SGIP1: variants seen among roughly 807,000 people sequenced by gnomAD.
The protein encoded by SGIP1 is SH3-containing GRB2-like protein 3-interacting protein 1.
A neutral mutation model predicts 107.5 loss-of-function variants in SGIP1; 38 were observed. The observed-to-expected ratio is 0.35, with a 90% CI of 0.27 to 0.46. SGIP1 has a LOEUF of 0.46. SGIP1 is among the 20% of genes least tolerant of loss of function. The pLI is 1.00. For synonymous variants in SGIP1, 365 were observed against 366.1 expected (o/e 1.00, Z 0.03); for missense variants, 929 against 1,019.5 (o/e 0.91, Z 1.21).
intron 1 of SGIP1, among the ~76,000 whole-genome samples, chr1:66,616,874 G>C (rs1205411106): frequency 1.3e-5 from 2 of 152,036 alleles, no homozygotes; most frequent in Non-Finnish European, 2.9e-5. Context: ...CTCAATTTTA[G>C]TGTCTCAGCA....
chr1:66,666,034 G>A (rs1473014608), intron 8 of SGIP1: 1 of 152,204 alleles, frequency 6.6e-6, no homozygotes, highest in Non-Finnish European at 1.5e-5. Flanking sequence ...TTTTAGTCAT[G>A]AAGTCCTTGC....
intron 10 of SGIP1, 75 bp from the exon 11 acceptor site, chr1:66,671,869 T>C: frequency 7.0e-7 from 1 of 1,418,876 alleles, no homozygotes; most frequent in Non-Finnish European, 9.9e-7. Flanking sequence ...TCTAAGTGTT[T>C]CCAAACATAG....
intron 1 of SGIP1, among the ~76,000 whole-genome samples, chr1:66,555,854 GAGGTAAGTGCT>G (rs2058100391): frequency 6.6e-6 from 1 of 152,118 alleles, no homozygotes; most frequent in Non-Finnish European, 1.5e-5. Flanking sequence ...ACAACAGTAT[GAGGTAAGTGCT>G]AAATTATCCC....
rs1557989513 is a variant in SGIP1, at chr1:66,589,178, ATATATATATATATAT to A, written c.11-36668_11-36654del. 2.3e-3 allele frequency among the ~76,000 whole-genome samples: 56 copies of A among 24,830 alleles called. 2 individuals are homozygous for A. The highest frequency in any genetic ancestry group is 1.5e-3 in the Non-Finnish European group (22 of 14,986). The allele number at this position is 24,830 out of a possible 152,430, so 16.3% of individuals were successfully genotyped here. A position where few individuals can be genotyped will look rare whatever the true frequency, so the allele number is the denominator to read the frequency against. ...TAAAAGTTTACATATATATATATAT[ATATATATATATATAT>A]ATATATATATATATATATATATATG... is the stretch of plus-strand genomic sequence containing the variant. On this transcript the variant is annotated intron_variant, in intron 1 of 24. Transcript: ENST00000371037.
intron 18 of SGIP1, among the ~76,000 whole-genome samples, chr1:66,712,903 C>T (rs2093008686): frequency 6.6e-6 from 1 of 152,150 alleles, no homozygotes; most frequent in Non-Finnish European, 1.5e-5. Flanking sequence ...TCAGAACCCC[C>T]TCAAAGTGTG....
At chr1:66,533,874 G>A (rs1313084422), upstream of SGIP1, among the ~76,000 whole-genome samples, 2 of 152,040 alleles carry the variant, frequency 1.3e-5, no homozygotes, top group African/African-American at 4.8e-5. Context: ...CTAATCTCGG[G>A]CACCCAGCCG....
intron 18 of SGIP1, among the ~76,000 whole-genome samples, chr1:66,699,687 C>A (rs745440152): frequency 2.6e-5 from 4 of 152,154 alleles, no homozygotes; most frequent in Admixed American, 1.3e-4. Flanking sequence ...TGACTGCCTG[C>A]TGTGTACTAG....
intron 1 of SGIP1, among the ~76,000 whole-genome samples, chr1:66,572,835 A>G (rs2060559921): frequency 6.6e-6 from 1 of 152,146 alleles, no homozygotes; most frequent in South Asian, 2.1e-4. Flanking sequence ...GACAACTACA[A>G]TGCGATATAT....
At position 66,661,015 on chromosome 1, in the gene SGIP1, CCTGGAATTGTCAGAGT is replaced by C. The variant is rs2081361993; in HGVS notation, c.471+498_471+513del. Among the ~76,000 whole-genome samples, 11 of 151,940 alleles carry C rather than the reference CCTGGAATTGTCAGAGT, an allele frequency of 7.2e-5. No individual in the cohort carries two copies. In the South Asian group the frequency reaches 2.3e-3, roughly 32 times the overall value. On this transcript the variant is annotated intron_variant, in intron 8 of 24. Transcript: ENST00000371037. ...GTTTTAGTAAATCAAAATATTCCCTCCTGGAATTGTCAGAGTCTGGAAAAGAGAATCTTTATAAAAT... is the reference window on the plus strand; with the variant it reads ...GTTTTAGTAAATCAAAATATTCCCTCCTGGAAAAGAGAATCTTTATAAAAT...
intron 9 of SGIP1, among the ~76,000 whole-genome samples, chr1:66,670,386 G>T (rs919158872): frequency 6.6e-6 from 1 of 152,212 alleles, no homozygotes; most frequent in African/African-American, 2.4e-5. Flanking sequence ...TCCAATTCAT[G>T]AATTGATGGG....
rs902696070 is a variant in SGIP1 at position 66,625,875 on chromosome 1, T to C, written c.39T>C (p.Phe13=). The part of the protein sequence containing the change: ...EGLKKRTRKA[F]GIRKKEKDTD... ...TGAAAAAACGTACAAGGAAGGCCTT[T>C]GGAATACGGAAGAAAGAAAAGGACA... Residue 13 remains phenylalanine (F), a synonymous_variant, in exon 2 of 25, where the codon TTT becomes TTC. Coordinates refer to ENST00000371037, the MANE Select transcript of SGIP1 (RefSeq NM_032291.4). The C allele has an allele frequency of 3.1e-6, 5 of 1,612,550 alleles. No homozygotes were observed. Among genetic ancestry groups the C allele is most frequent in the Non-Finnish European group, 3.4e-6 (4 of 1,179,124 alleles).
chr1:66,718,443 G>A (rs966735611), intron 18 of SGIP1, among the ~76,000 whole-genome samples: 4 of 152,072 alleles, frequency 2.6e-5, no homozygotes, highest in Non-Finnish European at 4.4e-5. Context: ...GTTTTATAGG[G>A]AGATAAACCT....
intron 1 of SGIP1, among the ~76,000 whole-genome samples, chr1:66,606,351 C>A (rs557944272): frequency 6.6e-6 from 1 of 152,146 alleles, no homozygotes; most frequent in Non-Finnish European, 1.5e-5. Context: ...TCTGTTTCTT[C>A]CTTTATCATC....
rs114026776 is a variant in SGIP1, at chr1:66,556,448, G to A, written c.10+22080G>A. 2.8e-3 allele frequency among the ~76,000 whole-genome samples: 419 copies of A among 152,202 alleles called. 2 individuals carry two copies. Among genetic ancestry groups the A allele is most frequent in the Non-Finnish European group, 4.7e-3 (318 of 67,970 alleles). ...CTGATCAGCTGAATGAAAATGAAGTGGGCATTTGTATTTCCCCACTGATTG... is the reference window on the plus strand; with the variant it reads ...CTGATCAGCTGAATGAAAATGAAGTAGGCATTTGTATTTCCCCACTGATTG... On this transcript the variant is annotated intron_variant, in intron 1 of 24. Transcript: ENST00000371037.
chr1:66,651,439 C>T (rs928530520), intron 7 of SGIP1, among the ~76,000 whole-genome samples: 2 of 152,190 alleles, frequency 1.3e-5, no homozygotes, highest in African/African-American at 2.4e-5. Context: ...TAATTGAGAA[C>T]TCTTAACCAC....
At chr1:66,728,102 A>G (rs2093841981) in intron 19 of SGIP1, among the ~76,000 whole-genome samples, 1 of 152,178 alleles carries the variant, frequency 6.6e-6, no homozygotes, top group Non-Finnish European at 1.5e-5. Context: ...GTTAACTTAT[A>G]TGACTGAGTT....
At chr1:66,631,572 T>C (rs2074692821) in intron 2 of SGIP1, among the ~76,000 whole-genome samples, 1 of 152,208 alleles carries the variant, frequency 6.6e-6, no homozygotes, top group Non-Finnish European at 1.5e-5. Context: ...TAGAATATTC[T>C]GCTAATTTTG....
intron 13 of SGIP1, among the ~76,000 whole-genome samples, 154 bp downstream of exon 13, chr1:66,677,250 T>G (rs1482220970): frequency 6.6e-6 from 1 of 152,184 alleles, no homozygotes; most frequent in Non-Finnish European, 1.5e-5. Flanking sequence ...GCTTTCAAGT[T>G]AAAGAACTCA....
intron 9 of SGIP1, among the ~76,000 whole-genome samples, chr1:66,668,436 G>A (rs888132242): frequency 1.3e-4 from 20 of 152,072 alleles, no homozygotes; most frequent in African/African-American, 4.6e-4. Flanking sequence ...TGATCCACCT[G>A]CCTCGACCTC....
Sources: allele counts gnomAD v4.1 joint callset (sites outside exome capture counted in the v4.1 genomes callset), GRCh38; gene constraint gnomAD v4.1.1; transcripts MANE v1.5; gene names NCBI Gene and HGNC (gene_info 2026-07-23, HGNC 2026-07-21).